RPH3A: variants seen among roughly 807,000 people sequenced by gnomAD.
RPH3A encodes rabphilin-3A.
A neutral mutation model predicts 102.2 loss-of-function variants in RPH3A; 48 were observed. That is an observed-to-expected ratio of 0.47 (90% CI 0.37 to 0.60). The LOEUF (loss-of-function observed/expected upper bound fraction) is 0.60. Ranked by LOEUF, RPH3A falls within the 20% of genes least tolerant of loss-of-function variation. The probability of loss-of-function intolerance (pLI) is 0.00; values close to 1 mark genes in which losing one functional copy is unlikely to be tolerated. For synonymous variants in RPH3A, 310 were observed against 324.3 expected, an observed-to-expected ratio of 0.96 and a Z score of 0.47; for missense variants, 781 against 910.1, an observed-to-expected ratio of 0.86 and a Z score of 1.83.
intron 1 of RPH3A, among the ~76,000 whole-genome samples, chr12:112,778,402 C>T (rs910234235): frequency 6.6e-6 from 1 of 152,174 alleles, no homozygotes; most frequent in African/African-American, 2.4e-5. Context: ...TCCATTTTGC[C>T]CATCCTCGAT....
At chr12:112,807,894 A>G (rs990024808) in intron 2 of RPH3A, among the ~76,000 whole-genome samples, 17 of 152,016 alleles carry the variant, frequency 1.1e-4, no homozygotes, top group African/African-American at 4.1e-4. Context: ...CCTGCTATCT[A>G]CTTTAATTAT....
chr12:112,632,041 T>C (rs1369579163), intron 1 of RPH3A, among the ~76,000 whole-genome samples: 4 of 152,156 alleles, frequency 2.6e-5, no homozygotes, highest in Non-Finnish European at 5.9e-5. Flanking sequence ...GATTGAATTA[T>C]GGGGGTAGGT....
intron 1 of RPH3A, among the ~76,000 whole-genome samples, chr12:112,642,178 G>A (rs1482054071): frequency 2.6e-5 from 4 of 152,074 alleles, no homozygotes; most frequent in Admixed American, 6.6e-5. Flanking sequence ...ATGTAATTCC[G>A]GCAACTACCA....
intron 1 of RPH3A, among the ~76,000 whole-genome samples, chr12:112,761,709 C>A (rs546849076): frequency 6.6e-5 from 10 of 152,204 alleles, no homozygotes; most frequent in Admixed American, 5.9e-4. Context: ...CAAGGACACC[C>A]GCTGATGGAC....
chr12:112,879,099 C>G lies in RPH3A; in HGVS notation c.1172-20C>G, dbSNP rs1408202554. 2 of 1,598,334 alleles carry G rather than the reference C, an allele frequency of 1.3e-6. No homozygotes were observed. The highest frequency in any genetic ancestry group is 3.3e-5 in the Admixed American group (2 of 59,770). ...TGACTGAATATTCGTTATCTTGGTT[C>G]CTGTCTCTGCCCCCTTCAGCCACCC... On this transcript the variant is annotated intron_variant, in intron 13 of 21. Coordinates refer to ENST00000389385, the MANE Select transcript of RPH3A (RefSeq NM_001143854.2).
At chr12:112,883,527 C>G in intron 16 of RPH3A, 125 bp downstream of exon 16, 1 of 667,228 alleles carries the variant, frequency 1.5e-6, no homozygotes. Context: ...TATTTTTTTC[C>G]TTCTTGTTTA....
chr12:112,863,661 C>T (rs964896794), intron 5 of RPH3A, among the ~76,000 whole-genome samples: 6 of 152,214 alleles, frequency 3.9e-5, no homozygotes, highest in African/African-American at 1.4e-4. Context: ...GCTGTGTGAC[C>T]TTGGGTAAGT....
intron 1 of RPH3A, among the ~76,000 whole-genome samples, chr12:112,608,987 T>G (rs2039618470): frequency 6.6e-6 from 1 of 152,254 alleles, no homozygotes; most frequent in Non-Finnish European, 1.5e-5. Context: ...ATTCACTTTT[T>G]TAGTCATACT....
intron 5 of RPH3A, among the ~76,000 whole-genome samples, chr12:112,848,310 A>C (rs1339194524): frequency 8.5e-5 from 13 of 152,184 alleles, no homozygotes; most frequent in African/African-American, 2.9e-4. Flanking sequence ...AGTAGGTAAA[A>C]AAGAGTGTGT....
At chr12:112,628,770 A>G (rs2039783960) in intron 1 of RPH3A, among the ~76,000 whole-genome samples, 2 of 151,572 alleles carry the variant, frequency 1.3e-5, no homozygotes, top group South Asian at 2.1e-4. Flanking sequence ...AACAAACAGA[A>G]GCCATGGGGA....
intron 2 of RPH3A, among the ~76,000 whole-genome samples, chr12:112,808,319 T>C (rs2041507664): frequency 6.6e-6 from 1 of 152,202 alleles, no homozygotes; most frequent in African/African-American, 2.4e-5. Flanking sequence ...ACATTAAGCC[T>C]TTGTCAATAT....
intron 1 of RPH3A, among the ~76,000 whole-genome samples, chr12:112,643,240 C>T (rs972589479): frequency 1.3e-5 from 2 of 152,184 alleles, no homozygotes; most frequent in Non-Finnish European, 2.9e-5. Flanking sequence ...GCTTGGATTA[C>T]CCACCTGTGA....
At chr12:112,585,493 G>A (rs1192940392) in intron 1 of RPH3A, among the ~76,000 whole-genome samples, 2 of 152,182 alleles carry the variant, frequency 1.3e-5, no homozygotes, top group Non-Finnish European at 2.9e-5. Context: ...CCAGCACTTC[G>A]GGAGTTCGAG....
At chr12:112,633,160 G>GCC (rs1424101876) in intron 1 of RPH3A, among the ~76,000 whole-genome samples, 3 of 152,104 alleles carry the variant, frequency 2.0e-5, no homozygotes, top group Non-Finnish European at 4.4e-5. Context: ...TGATCATGCT[G>GCC]CTGCACTCTA....
At chr12:112,699,683 A>G (rs530922822) in intron 1 of RPH3A, among the ~76,000 whole-genome samples, 1 of 152,326 alleles carries the variant, frequency 6.6e-6, no homozygotes, top group South Asian at 2.1e-4. Flanking sequence ...CTCTTTCTTG[A>G]TTTGGGTGGT....
intron 1 of RPH3A, among the ~76,000 whole-genome samples, chr12:112,577,887 C>A (rs1423578690): frequency 6.6e-6 from 1 of 152,088 alleles, no homozygotes; most frequent in Non-Finnish European, 1.5e-5. Context: ...CTTCCTCATT[C>A]TTGTATTCCC....
rs143536047 is a variant in RPH3A, at chr12:112,613,045, A to G, written c.-140+37726A>G. ...TTCCTGTCTAATGAGCTCTAGTTCT[A>G]CACTGGGTCTGTGTTAAGCCCTTTC... is the stretch of plus-strand genomic sequence containing the variant. On this transcript the variant is annotated intron_variant, in intron 1 of 21. Coordinates refer to the RPH3A transcript ENST00000543106. 3.9e-5 allele frequency among the ~76,000 whole-genome samples: 6 copies of G among 152,294 alleles called. No individual in the cohort carries two copies. In the East Asian group the frequency reaches 9.6e-4, roughly 24 times the overall value.
intron 1 of RPH3A, among the ~76,000 whole-genome samples, chr12:112,770,823 C>G (rs752789919): frequency 6.6e-6 from 1 of 152,152 alleles, no homozygotes; most frequent in Non-Finnish European, 1.5e-5. Flanking sequence ...TTGGGATACC[C>G]CCAACGGTAG....
At chr12:112,763,948 C>G (rs1250752225) in intron 1 of RPH3A, among the ~76,000 whole-genome samples, 1 of 152,202 alleles carries the variant, frequency 6.6e-6, no homozygotes, top group African/African-American at 2.4e-5. Context: ...CGTCCCCTGT[C>G]CTGTTATCAT....
Sources: gnomAD v4.1 joint callset for allele counts (sites outside exome capture counted in the v4.1 genomes callset) on GRCh38, gnomAD v4.1.1 for gene constraint, MANE v1.5 for transcripts, NCBI Gene and HGNC (gene_info 2026-07-23, HGNC 2026-07-21) for gene names.